Variants in DGCR2 observed in about 807,000 individuals in gnomAD.
DGCR2 encodes the protein integral membrane protein DGCR2/IDD.
In DGCR2, 24 loss-of-function variants were observed where a neutral mutation model predicts 51.6. The observed-to-expected ratio is 0.47, with a 90% CI of 0.34 to 0.65. DGCR2 has a LOEUF of 0.65. DGCR2 is among the 30% of genes least tolerant of loss of function. The pLI is 0.01. For synonymous variants in DGCR2, 340 were observed against 315.4 expected (o/e 1.08, Z -0.82); for missense variants, 765 against 772.1 (o/e 0.99, Z 0.11).
intron 2 of DGCR2, among the ~76,000 whole-genome samples, chr22:19,069,245 G>A (rs2082785653): frequency 6.6e-6 from 1 of 152,240 alleles, no homozygotes; most frequent in African/African-American, 2.4e-5. Context: ...TCACAGGGAG[G>A]GTTAGGAGGC....
intron 1 of DGCR2, among the ~76,000 whole-genome samples, chr22:19,111,421 A>G (rs562376812): frequency 1.3e-5 from 2 of 152,322 alleles, no homozygotes; most frequent in South Asian, 4.1e-4. Context: ...TTTTGGAATC[A>G]TGGTGCAGGA....
intron 1 of DGCR2, among the ~76,000 whole-genome samples, chr22:19,120,569 A>G (rs1225022636): frequency 6.6e-6 from 1 of 152,172 alleles, no homozygotes. Context: ...CTGGCAAGGA[A>G]AAAGGAGTCG....
At chr22:19,085,278 T>A (rs968734394) in intron 2 of DGCR2, among the ~76,000 whole-genome samples, 1 of 152,188 alleles carries the variant, frequency 6.6e-6, no homozygotes, top group Non-Finnish European at 1.5e-5. Context: ...CCACAGTCAT[T>A]GTCAAGAGTC....
At chr22:19,050,809 G>A (rs940645658) in intron 6 of DGCR2, among the ~76,000 whole-genome samples, 4 of 152,060 alleles carry the variant, frequency 2.6e-5, no homozygotes, top group African/African-American at 4.8e-5. Context: ...AATGTAAAAC[G>A]GAAAATGATT....
At chr22:19,048,147 A>G in intron 7 of DGCR2, 1 of 482,222 alleles carries the variant, frequency 2.1e-6, no homozygotes. Flanking sequence ...ACAAGTTTGA[A>G]GCTGTCAGTG....
intron 2 of DGCR2, among the ~76,000 whole-genome samples, chr22:19,070,179 C>T (rs1344998483): frequency 6.6e-6 from 1 of 152,202 alleles, no homozygotes; most frequent in African/African-American, 2.4e-5. Flanking sequence ...CACAGACTCG[C>T]TGGTAGCTCT....
chr22:19,059,283 A>G (rs2082635501), intron 5 of DGCR2, among the ~76,000 whole-genome samples: 1 of 152,100 alleles, frequency 6.6e-6, no homozygotes, highest in Non-Finnish European at 1.5e-5. Flanking sequence ...CACGAGCACA[A>G]TCGGGTGACG....
chr22:19,066,387 C>CA (rs1459030373), intron 3 of DGCR2, among the ~76,000 whole-genome samples: 1 of 151,860 alleles, frequency 6.6e-6, no homozygotes, highest in East Asian at 1.9e-4. Context: ...GCCTGGGTGA[C>CA]AGAGTGAGAC....
chr22:19,115,099 G>A (rs1486077832), intron 1 of DGCR2, among the ~76,000 whole-genome samples: 1 of 152,188 alleles, frequency 6.6e-6, no homozygotes, highest in African/African-American at 2.4e-5. Flanking sequence ...AGGCCAAGAG[G>A]CAAGCATGTG....
intron 2 of DGCR2, among the ~76,000 whole-genome samples, chr22:19,083,875 T>C (rs913338627): frequency 1.2e-4 from 18 of 152,048 alleles, no homozygotes; most frequent in African/African-American, 4.1e-4. Flanking sequence ...CGCGCCGCCA[T>C]GCCTGACTGG....
intron 7 of DGCR2, 178 bp downstream of exon 7, chr22:19,048,262 G>A (rs1469375664): frequency 2.3e-5 from 15 of 656,572 alleles, no homozygotes; most frequent in East Asian, 1.3e-4. Flanking sequence ...TGTCAGACAC[G>A]CCCACTAGAG....
chr22:19,112,029 T>A (rs551026847), intron 1 of DGCR2, among the ~76,000 whole-genome samples: 16 of 152,158 alleles, frequency 1.1e-4, no homozygotes, highest in Middle Eastern at 3.4e-3. Flanking sequence ...TCCCAGCACT[T>A]TCAGAGATGC....
intron 1 of DGCR2, among the ~76,000 whole-genome samples, chr22:19,117,593 A>G: frequency 6.6e-6 from 1 of 152,240 alleles, no homozygotes; most frequent in East Asian, 1.9e-4. Flanking sequence ...TTCAGAAAAA[A>G]GCAATGTGTG....
At chr22:19,115,479 C>G (rs1013194001) in intron 1 of DGCR2, among the ~76,000 whole-genome samples, 1 of 152,258 alleles carries the variant, frequency 6.6e-6, no homozygotes, top group African/African-American at 2.4e-5. Flanking sequence ...GGATCCCATC[C>G]TCCCAAGGCA....
chr22:19,108,569 T>TAAAAAAAAAAAAAAA (rs55803042), intron 1 of DGCR2, among the ~76,000 whole-genome samples: 5 of 90,784 alleles, frequency 5.5e-5, no homozygotes, highest in African/African-American at 1.8e-4. Flanking sequence ...AGAATTTATC[T>TAAAAAAAAAAAAAAA]AAAAAAAAAA....
chr22:19,103,473 C>T (rs1451062796), intron 1 of DGCR2, among the ~76,000 whole-genome samples: 1 of 129,278 alleles, frequency 7.7e-6, no homozygotes, highest in Non-Finnish European at 1.6e-5. Flanking sequence ...CTCTGTCACC[C>T]AGGCTGGAGT....
chr22:19,046,612 C>A, intron 7 of DGCR2: 1 of 216,336 alleles, frequency 4.6e-6, no homozygotes. Flanking sequence ...ATGCTTAACA[C>A]ATGACATCCT....
At chr22:19,106,814 A>T (rs2189491) in intron 1 of DGCR2, among the ~76,000 whole-genome samples, 62,311 of 151,428 alleles carry the variant, frequency 0.41, 13,285 homozygotes, top group African/African-American at 0.53. Flanking sequence ...CCCTGAAGCC[A>T]GCAGAGCCCC....
chr22:19,103,500 G>A (rs1176880591), intron 1 of DGCR2, among the ~76,000 whole-genome samples: 9 of 133,594 alleles, frequency 6.7e-5, no homozygotes, highest in African/African-American at 1.4e-4. Context: ...GCAAGATCTC[G>A]GCTTACTGCA....
Sources: gnomAD v4.1 joint callset for allele counts (sites outside exome capture counted in the v4.1 genomes callset) on GRCh38, gnomAD v4.1.1 for gene constraint, MANE v1.5 for transcripts, NCBI Gene and HGNC (gene_info 2026-07-23, HGNC 2026-07-21) for gene names.